TENM3: variants seen among roughly 807,000 people sequenced by gnomAD.
TENM3 encodes teneurin-3.
A neutral mutation model predicts 255.1 loss-of-function variants in TENM3; 63 were observed. The ratio of observed to expected loss-of-function variants is 0.25; its 90% CI spans 0.20 to 0.30. TENM3 has a LOEUF of 0.30. Ranked by LOEUF, TENM3 falls within the 10% of genes least tolerant of loss-of-function variation. The pLI, the probability that TENM3 is intolerant of heterozygous loss-of-function variation, is 1.00. For missense variants in TENM3, 2,929 were observed against 3,461.1 expected (o/e 0.85, Z 3.86); for synonymous variants, 1,306 against 1,322.3 (o/e 0.99, Z 0.27).
At chr4:181,629,307 T>C in the TENM3 span, among the ~76,000 whole-genome samples, 3 of 152,176 alleles carry the variant, frequency 2.0e-5, no homozygotes, top group Non-Finnish European at 4.4e-5. Flanking sequence ...CTTCCTCTTT[T>C]CCTAATTGAA....
At chr4:182,656,527 T>C (rs1029714301) in intron 6 of TENM3, among the ~76,000 whole-genome samples, 3 of 152,134 alleles carry the variant, frequency 2.0e-5, no homozygotes, top group Admixed American at 2.0e-4. Context: ...TCAGTGTCCA[T>C]GCACCACCAC....
the TENM3 span, among the ~76,000 whole-genome samples, chr4:182,058,945 C>CGTGTGTGTGTGTGTGTGTGTGTGT: frequency 2.7e-4 from 38 of 139,130 alleles, 1 homozygote; most frequent in Middle Eastern, 3.6e-3. Flanking sequence ...AGTCATAGCT[C>CGTGTGTGTGTGTGTGTGTGTGTGT]GTGTGTGTGT....
At chr4:182,674,988 A>G (rs1755549855) in intron 7 of TENM3, among the ~76,000 whole-genome samples, 1 of 151,850 alleles carries the variant, frequency 6.6e-6, no homozygotes, top group Non-Finnish European at 1.5e-5. Flanking sequence ...GTGATTCTCC[A>G]GCCTCAGCCT....
the TENM3 span, among the ~76,000 whole-genome samples, chr4:181,938,173 C>T: frequency 2.0e-5 from 3 of 152,140 alleles, no homozygotes; most frequent in Non-Finnish European, 2.9e-5. Flanking sequence ...GACATTATAA[C>T]GTTTTATACC....
At chr4:182,525,373 G>A (rs1739048293) in intron 3 of TENM3, among the ~76,000 whole-genome samples, 1 of 152,196 alleles carries the variant, frequency 6.6e-6, no homozygotes, top group African/African-American at 2.4e-5. Context: ...ATTATCTCCA[G>A]TTTTACAGAT....
At chr4:181,587,867 C>A in the TENM3 span, among the ~76,000 whole-genome samples, 1 of 152,084 alleles carries the variant, frequency 6.6e-6, no homozygotes, top group South Asian at 2.1e-4. Context: ...CTATTTGAAC[C>A]CTTGCATTCT....
At chr4:181,711,705 AGGC>A in the TENM3 span, among the ~76,000 whole-genome samples, 25 of 152,278 alleles carry the variant, frequency 1.6e-4, no homozygotes, top group African/African-American at 5.8e-4. Context: ...TTTCCTTAGA[AGGC>A]AATATTGTTA....
chr4:181,735,922 G>A, the TENM3 span, among the ~76,000 whole-genome samples: 1 of 152,208 alleles, frequency 6.6e-6, no homozygotes, highest in Non-Finnish European at 1.5e-5. Context: ...AGGAGTCCCA[G>A]TTTCTGCTAT....
intron 3 of TENM3, among the ~76,000 whole-genome samples, chr4:182,511,045 A>G (rs1327936103): frequency 6.6e-6 from 1 of 152,162 alleles, no homozygotes; most frequent in Non-Finnish European, 1.5e-5. Context: ...TGACAAGCCC[A>G]TTGTGTGCAT....
At chr4:181,705,820 G>T in the TENM3 span, among the ~76,000 whole-genome samples, 1 of 152,132 alleles carries the variant, frequency 6.6e-6, no homozygotes, top group African/African-American at 2.4e-5. Context: ...AGCAAATTTT[G>T]TGAGTGTGAA....
chr4:182,257,382 G>A (rs1366869616), intron 1 of TENM3, among the ~76,000 whole-genome samples: 1 of 152,124 alleles, frequency 6.6e-6, no homozygotes, highest in Non-Finnish European at 1.5e-5. Flanking sequence ...CCCACCTATG[G>A]ATCTGATTGT....
At chr4:182,616,750 A>G (rs563603220) in intron 4 of TENM3, among the ~76,000 whole-genome samples, 2 of 152,290 alleles carry the variant, frequency 1.3e-5, no homozygotes, top group South Asian at 4.1e-4. Flanking sequence ...AATTATTTCC[A>G]AATAGCTAGG....
At chr4:182,265,761 T>A (rs1031072643) in intron 1 of TENM3, among the ~76,000 whole-genome samples, 2 of 152,204 alleles carry the variant, frequency 1.3e-5, no homozygotes, top group East Asian at 3.9e-4. Context: ...AGAGCTCTAG[T>A]TAATTGGCTT....
the TENM3 span, among the ~76,000 whole-genome samples, chr4:181,823,751 A>C: frequency 0.39 from 59,520 of 151,946 alleles, 12,576 homozygotes; most frequent in African/African-American, 0.55. Context: ...AAATCTGGAA[A>C]TGTAACAACA....
chr4:182,382,674 T>G (rs1767650872), intron 3 of TENM3, among the ~76,000 whole-genome samples: 1 of 152,148 alleles, frequency 6.6e-6, no homozygotes, highest in Non-Finnish European at 1.5e-5. Flanking sequence ...CACCACAGTG[T>G]CCATGATAGC....
chr4:181,476,506 G>A, the TENM3 span, among the ~76,000 whole-genome samples: 1 of 152,138 alleles, frequency 6.6e-6, no homozygotes, highest in Non-Finnish European at 1.5e-5. Context: ...GCATCTGGTA[G>A]GAAAGTAGTA....
At chr4:182,326,307 G>C (rs1027513582) in intron 2 of TENM3, among the ~76,000 whole-genome samples, 1 of 152,152 alleles carries the variant, frequency 6.6e-6, no homozygotes, top group Non-Finnish European at 1.5e-5. Context: ...AGCTCCCCTG[G>C]TGAGGTGGGT....
At chr4:182,000,752 G>C in the TENM3 span, among the ~76,000 whole-genome samples, 5 of 149,920 alleles carry the variant, frequency 3.3e-5, no homozygotes, top group African/African-American at 1.3e-4. Context: ...TACAATTTGG[G>C]AAAAATGAAG....
chr4:182,747,060 G>T (rs1278852646), intron 19 of TENM3, among the ~76,000 whole-genome samples: 1 of 152,062 alleles, frequency 6.6e-6, no homozygotes, highest in East Asian at 1.9e-4. Flanking sequence ...CCTTCCTGGC[G>T]TGCTCCTTAT....
Sources: allele counts gnomAD v4.1 joint callset (sites outside exome capture counted in the v4.1 genomes callset), GRCh38; gene constraint gnomAD v4.1.1; transcripts MANE v1.5; gene names NCBI Gene and HGNC (gene_info 2026-07-23, HGNC 2026-07-21).